The following KLF13 variants were observed in gnomAD, a reference collection of about 807,000 sequenced individuals.
KLF13 encodes KLF transcription factor 13.
In KLF13, 8 loss-of-function variants were observed where a neutral mutation model predicts 16.7. That is an observed-to-expected ratio of 0.48 (90% CI 0.28 to 0.87). The LOEUF (loss-of-function observed/expected upper bound fraction) is 0.87. Among genes scored for constraint, KLF13 ranks in the 40% least tolerant of loss-of-function variants. The pLI is 0.10. For synonymous variants in KLF13, 245 were observed against 208.4 expected (o/e 1.18, Z -1.51); for missense variants, 447 against 452.2 (o/e 0.99, Z 0.10).
At chr15:31,360,272 C>T (rs2039362364) in intron 1 of KLF13, among the ~76,000 whole-genome samples, 1 of 152,170 alleles carries the variant, frequency 6.6e-6, no homozygotes, top group Non-Finnish European at 1.5e-5. Context: ...GGACATGCAG[C>T]GGGCAGGCCT....
chr15:31,327,892 G>C lies in KLF13; in HGVS notation c.577+103G>C, dbSNP rs2038747177. On this transcript the variant is annotated intron_variant, in intron 1 of 1. Transcript: ENST00000307145. ...CGATGGGGCGCGAGGTGGGGGCCGGGCGGGCCGGAACGCCCGGGGCCTCGC... is the reference window on the plus strand; with the variant it reads ...CGATGGGGCGCGAGGTGGGGGCCGGCCGGGCCGGAACGCCCGGGGCCTCGC... 2.0e-5 allele frequency: 23 copies of C among 1,159,256 alleles called. No homozygotes were observed. The South Asian group carries it at 9.4e-4, about 48-fold the overall frequency. The allele number at this position is 1,159,256 out of a possible 1,614,324, so 71.8% of individuals were successfully genotyped here.
chr15:31,406,394 T>G (rs11635499), downstream of KLF13, among the ~76,000 whole-genome samples: 23,264 of 152,158 alleles, frequency 0.15, 2,326 homozygotes, highest in South Asian at 0.28. Flanking sequence ...GGAGAATCGC[T>G]TGAACCCGGG....
chr15:31,339,987 G>A (rs768313113), intron 1 of KLF13: 2 of 702,390 alleles, frequency 2.8e-6, no homozygotes, highest in Non-Finnish European at 5.2e-6. Flanking sequence ...GGAGGAGCCA[G>A]GTGAGGATCC....
chr15:31,370,747 G>T (rs1222768913), intron 1 of KLF13, among the ~76,000 whole-genome samples: 1 of 152,094 alleles, frequency 6.6e-6, no homozygotes, highest in Non-Finnish European at 1.5e-5. Context: ...TCTTTGTATG[G>T]TATCCTCTTT....
chr15:31,353,174 G>A (rs781588357), intron 1 of KLF13, among the ~76,000 whole-genome samples: 15 of 152,198 alleles, frequency 9.9e-5, no homozygotes, highest in Non-Finnish European at 2.1e-4. Flanking sequence ...GTTTTGCTGG[G>A]GCCTGTTAAA....
chr15:31,383,320 C>T (rs1484725749), intron 1 of KLF13, among the ~76,000 whole-genome samples: 2 of 152,236 alleles, frequency 1.3e-5, no homozygotes, highest in Non-Finnish European at 1.5e-5. Context: ...CTGCAGTGCT[C>T]TCCCACCGTG....
chr15:31,395,977 G>T (rs2039946720), intron 2 of KLF13, among the ~76,000 whole-genome samples: 1 of 151,998 alleles, frequency 6.6e-6, no homozygotes, highest in African/African-American at 2.4e-5. Flanking sequence ...GTCCCCTCAG[G>T]GCCTGTGATA....
chr15:31,413,534 A>G (rs2040221601), intron 1 of KLF13, among the ~76,000 whole-genome samples: 1 of 152,208 alleles, frequency 6.6e-6, no homozygotes, highest in Admixed American at 6.5e-5. Context: ...TTTCATAACA[A>G]AACACAGGTC....
rs2039050769 is a variant in KLF13, at chr15:31,342,850, C to A, written c.577+15061C>A. ...TTCGCACCCCTTTCCTGCTTTATTT[C>A]CGTCTTCCTGTGAGTGTATTTTGTT... On this transcript the variant is annotated intron_variant, in intron 1 of 1. Transcript: ENST00000307145. 3.9e-5 allele frequency among the ~76,000 whole-genome samples: 6 copies of A among 152,178 alleles called. No individual in the cohort carries two copies. The South Asian group carries it at 1.0e-3, about 26-fold the overall frequency.
At chr15:31,431,371 A>G (rs908002768) in intron 1 of KLF13, among the ~76,000 whole-genome samples, 3 of 152,222 alleles carry the variant, frequency 2.0e-5, no homozygotes, top group Non-Finnish European at 4.4e-5. Context: ...AACAACAGAA[A>G]TGTCCACCAA....
intron 1 of KLF13, among the ~76,000 whole-genome samples, chr15:31,418,614 C>G (rs1316041257): frequency 6.6e-6 from 1 of 152,130 alleles, no homozygotes; most frequent in Non-Finnish European, 1.5e-5. Context: ...CACCACAAAA[C>G]TGTGAAAGAT....
intron 1 of KLF13, among the ~76,000 whole-genome samples, chr15:31,338,335 T>C (rs1331936691): frequency 6.6e-6 from 1 of 152,238 alleles, no homozygotes; most frequent in Non-Finnish European, 1.5e-5. Flanking sequence ...TGTGTATATA[T>C]GCCCGTATTT....
chr15:31,338,190 AGTTT>A (rs2038962097), intron 1 of KLF13, among the ~76,000 whole-genome samples: 2 of 152,194 alleles, frequency 1.3e-5, no homozygotes, highest in Non-Finnish European at 1.5e-5. Context: ...GAAATTTCAA[AGTTT>A]GTTTCCCTGA....
rs1292330963 is a variant in KLF13, at chr15:31,327,222, G to A, written c.10G>A (p.Ala4Thr). 3.0e-6 allele frequency: 4 copies of A among 1,341,096 alleles called. No individual in the cohort carries two copies. The highest frequency in any genetic ancestry group is 3.1e-5 in the African/African-American group (2 of 63,862). The allele number at this position is 1,341,096 out of a possible 1,614,324, so 83.1% of individuals were successfully genotyped here. Residue 4 changes from alanine (A) to threonine (T), a missense_variant, in exon 1 of 2, where the codon GCC (alanine) becomes ACC (threonine). Physicochemically the swap from Ala to Thr is moderately conservative, Grantham distance 58. This residue lies in a region of KLF13 where 359 missense variants were observed against 282.8 expected (regional missense o/e 1.27). Transcript: ENST00000307145. ...GGCCCCAGCCCGCAGCATGGCAGCC[G>A]CCGCCTATGTGGACCACTTCGCCGC... The part of the protein sequence containing the change: MAA[A>T]AYVDHFAAEC...
At chr15:31,359,031 G>A (rs576398536) in intron 1 of KLF13, among the ~76,000 whole-genome samples, 1 of 152,346 alleles carries the variant, frequency 6.6e-6, no homozygotes, top group East Asian at 1.9e-4. Flanking sequence ...CAATGGAAAG[G>A]AAATGGAAAT....
At chr15:31,340,577 A>G (rs2039005723) in intron 1 of KLF13, among the ~76,000 whole-genome samples, 1 of 152,210 alleles carries the variant, frequency 6.6e-6, no homozygotes, top group African/African-American at 2.4e-5. Context: ...TTTTTCCTGG[A>G]AAATATACTT....
Position 31,372,389 on chromosome 15 carries a change from G to A in KLF13, c.*90G>A. 3 of 1,311,300 alleles carry A rather than the reference G, an allele frequency of 2.3e-6. No individual in the cohort carries two copies. Among genetic ancestry groups the A allele is most frequent in the East Asian group, 2.8e-5 (1 of 35,842 alleles). 81.2% of individuals were successfully genotyped at this position (1,311,300 alleles called of 1,614,324 possible). On this transcript the variant is annotated 3_prime_UTR_variant, in exon 2 of 2. Transcript: ENST00000307145. ...TAAGAAAGAAGAGAGAGAACTTGAT[G>A]CAAAGTCCACGAAAAAACAATTTTT...
At chr15:31,415,108 T>C (rs1013499029) in intron 1 of KLF13, among the ~76,000 whole-genome samples, 1 of 152,176 alleles carries the variant, frequency 6.6e-6, no homozygotes, top group Non-Finnish European at 1.5e-5. Flanking sequence ...TCTCTTGCCA[T>C]GTGATCTCTG....
At chr15:31,423,080 CATATAT>C (rs1211143135) in intron 1 of KLF13, among the ~76,000 whole-genome samples, 2 of 109,974 alleles carry the variant, frequency 1.8e-5, no homozygotes, top group African/African-American at 9.1e-5. Flanking sequence ...ATAACAATTA[CATATAT>C]ATACGTATAT....
Sources: gnomAD v4.1 joint callset for allele counts (sites outside exome capture counted in the v4.1 genomes callset) on GRCh38, gnomAD v4.1.1 for gene constraint, gnomAD v4.1.1 regional missense constraint, MANE v1.5 for transcripts, NCBI Gene and HGNC (gene_info 2026-07-23, HGNC 2026-07-21) for gene names.